Variants in SLCO3A1 observed in about 807,000 individuals in gnomAD.
SLCO3A1 encodes the protein solute carrier organic anion transporter family member 3A1.
SLCO3A1 carries 27 observed loss-of-function variants against 63.1 expected under a neutral mutation model. The observed-to-expected ratio is 0.43, with a 90% confidence interval of 0.32 to 0.59. The LOEUF is 0.59. Among genes scored for constraint, SLCO3A1 ranks in the 20% least tolerant of loss-of-function variants. The pLI, the probability that SLCO3A1 is intolerant of heterozygous loss-of-function variation, is 0.09. For synonymous variants in SLCO3A1, 473 were observed against 409.9 expected, an observed-to-expected ratio of 1.15 and a Z score of -1.86; for missense variants, 773 against 945.8, an observed-to-expected ratio of 0.82 and a Z score of 2.40.
intron 1 of SLCO3A1, chr15:91,888,953 G>T (rs1031216006): frequency 1.2e-4 from 33 of 270,056 alleles, no homozygotes; most frequent in Non-Finnish European, 1.8e-4. Context: ...AGGTTTCGGG[G>T]AGCTGTGATC....
Position 91,986,364 on chromosome 15 carries a change from A to G in SLCO3A1, c.646+69906A>G, listed in dbSNP as rs556777449. The stretch of plus-strand genomic sequence containing the variant: ...GATGGGGAAGTGGCTGTGGGTGCCT[A>G]TTGGCAGCAGGATCCTTTCCTTCCA... On this transcript the variant is annotated intron_variant, in intron 2 of 9. Coordinates refer to ENST00000318445, the MANE Select transcript of SLCO3A1 (RefSeq NM_013272.4). 4.6e-5 allele frequency among the ~76,000 whole-genome samples: 7 copies of G among 152,242 alleles called. No individual in the cohort carries two copies. The South Asian group carries it at 8.3e-4, about 18-fold the overall frequency.
intron 4 of SLCO3A1, among the ~76,000 whole-genome samples, chr15:92,118,701 T>C (rs777232637): frequency 7.2e-5 from 11 of 152,196 alleles, no homozygotes; most frequent in Non-Finnish European, 1.5e-4. Context: ...CCCACCTGTT[T>C]ATTTTGCATG....
intron 2 of SLCO3A1, among the ~76,000 whole-genome samples, chr15:92,015,247 T>C (rs1033628378): frequency 2.6e-5 from 4 of 152,136 alleles, no homozygotes; most frequent in Non-Finnish European, 5.9e-5. Flanking sequence ...TCATCCATTT[T>C]CATACTGCTG....
At chr15:92,016,781 G>T (rs1233128716) in intron 2 of SLCO3A1, among the ~76,000 whole-genome samples, 2 of 152,134 alleles carry the variant, frequency 1.3e-5, no homozygotes, top group South Asian at 4.1e-4. Flanking sequence ...GTCATAAAAG[G>T]AGGAGGAGGA....
At chr15:92,070,419 G>A (rs918741549) in intron 2 of SLCO3A1, among the ~76,000 whole-genome samples, 2 of 152,232 alleles carry the variant, frequency 1.3e-5, no homozygotes, top group African/African-American at 4.8e-5. Flanking sequence ...AAGGTGGGCA[G>A]ATCACCTGAG....
intron 1 of SLCO3A1, among the ~76,000 whole-genome samples, chr15:91,880,279 C>T (rs981584550): frequency 6.6e-6 from 1 of 151,948 alleles, no homozygotes; most frequent in Non-Finnish European, 1.5e-5. Context: ...CAGTCTCCCC[C>T]AATAGTAACA....
At chr15:92,039,321 C>G (rs1339167209) in intron 2 of SLCO3A1, among the ~76,000 whole-genome samples, 1 of 152,178 alleles carries the variant, frequency 6.6e-6, no homozygotes, top group East Asian at 1.9e-4. Context: ...ATTTTGCAAT[C>G]TACCCGTCTG....
intron 2 of SLCO3A1, among the ~76,000 whole-genome samples, chr15:91,993,562 A>C (rs1289965011): frequency 2.0e-5 from 3 of 152,132 alleles, no homozygotes; most frequent in African/African-American, 7.2e-5. Flanking sequence ...ATAAATATTT[A>C]TTGATTTTAT....
intron 2 of SLCO3A1, among the ~76,000 whole-genome samples, chr15:91,993,575 T>C (rs2046153536): frequency 6.6e-6 from 1 of 152,182 alleles, no homozygotes; most frequent in Non-Finnish European, 1.5e-5. Context: ...GATTTTATCA[T>C]GATATTCCAG....
chr15:91,954,995 C>T lies in SLCO3A1; in HGVS notation c.646+38537C>T, dbSNP rs565521285. Reference sequence around the variant, plus strand: ...TCAGATGCTCAGTTGTCTCCCTTCTCTGCTTCCCTCACTTGCCAGGGTCAC... The same window carrying T: ...TCAGATGCTCAGTTGTCTCCCTTCTTTGCTTCCCTCACTTGCCAGGGTCAC... On this transcript the variant is annotated intron_variant, in intron 2 of 9. Transcript: ENST00000318445. The surrounding 1 kb of genome is among the most constrained non-coding windows in gnomAD (Gnocchi z 4.7). Among the ~76,000 whole-genome samples the T allele has an allele frequency of 3.9e-5, 6 of 152,280 alleles. No homozygotes were observed. The highest frequency in any genetic ancestry group is 3.4e-3 in the Middle Eastern group (1 of 294).
chr15:92,118,868 C>G (rs551769628), intron 4 of SLCO3A1, among the ~76,000 whole-genome samples: 1 of 152,214 alleles, frequency 6.6e-6, no homozygotes, highest in Non-Finnish European at 1.5e-5. Context: ...ACTTCCCTAA[C>G]TTTAGTCTAG....
chr15:91,925,168 C>G (rs1424308111), intron 2 of SLCO3A1, among the ~76,000 whole-genome samples: 1 of 152,230 alleles, frequency 6.6e-6, no homozygotes, highest in Non-Finnish European at 1.5e-5. Flanking sequence ...GACATTTCCT[C>G]TAATAACATG....
intron 1 of SLCO3A1, chr15:91,889,179 C>T (rs962422646): frequency 7.8e-7 from 1 of 1,286,836 alleles, no homozygotes; most frequent in Non-Finnish European, 1.0e-6. Flanking sequence ...TGTCATAACA[C>T]TGGAGATGCA....
chr15:91,905,905 G>C (rs1898290889), intron 1 of SLCO3A1, among the ~76,000 whole-genome samples: 1 of 152,184 alleles, frequency 6.6e-6, no homozygotes, highest in Admixed American at 6.5e-5. Context: ...CCCCTGCTTA[G>C]CTGATAGGCC....
chr15:92,132,450 C>CA (rs1249446061), intron 7 of SLCO3A1, among the ~76,000 whole-genome samples: 2 of 140,380 alleles, frequency 1.4e-5, no homozygotes, highest in African/African-American at 2.6e-5. Context: ...GAAGGGTGAC[C>CA]AAAAAAAAAT....
chr15:91,940,810 T>C (rs1899594198), intron 2 of SLCO3A1, among the ~76,000 whole-genome samples: 1 of 152,178 alleles, frequency 6.6e-6, no homozygotes, highest in Non-Finnish European at 1.5e-5. Context: ...GAGTGGTGAA[T>C]GAGCGAATAT....
intron 7 of SLCO3A1, among the ~76,000 whole-genome samples, chr15:92,142,013 A>G (rs899783744): frequency 6.6e-6 from 1 of 152,224 alleles, no homozygotes; most frequent in Non-Finnish European, 1.5e-5. Context: ...AACCCATCCA[A>G]GTCCTTGCAC....
In SLCO3A1 at chr15:92,143,469, AAT is replaced by A. The variant is rs1324933371; in HGVS notation, c.1513-3502_1513-3501del. The stretch of plus-strand genomic sequence containing the variant: ...ATATATAATATATATAATATATATA[AAT>A]ATATATATATATTATATATATGTAT... On this transcript the variant is annotated intron_variant, in intron 7 of 9. Coordinates refer to ENST00000318445, the MANE Select transcript of SLCO3A1 (RefSeq NM_013272.4). 1.6e-3 allele frequency among the ~76,000 whole-genome samples: 33 copies of A among 21,194 alleles called. 4 individuals carry two copies. Among genetic ancestry groups the A allele is most frequent in the South Asian group, 0.011 (7 of 650 alleles). The allele number at this position is 21,194 out of a possible 152,430, so 13.9% of individuals were successfully genotyped here. A position where few individuals can be genotyped will look rare whatever the true frequency, so the allele number is the denominator to read the frequency against.
intron 2 of SLCO3A1, among the ~76,000 whole-genome samples, chr15:92,000,994 A>G (rs8025658): frequency 0.88 from 133,457 of 152,120 alleles, 58,698 homozygotes; most frequent in African/African-American, 0.94. Flanking sequence ...CAGTCTGTCT[A>G]TCTTTGTCTC....
Sources: allele counts gnomAD v4.1 joint callset (sites outside exome capture counted in the v4.1 genomes callset), GRCh38; gene constraint gnomAD v4.1.1; non-coding constraint Gnocchi (gnomAD v3.1); transcripts MANE v1.5; gene names NCBI Gene and HGNC (gene_info 2026-07-23, HGNC 2026-07-21).